Variants in AP1G1 observed in about 807,000 individuals in gnomAD.
The protein encoded by AP1G1 is AP-1 complex subunit gamma-1.
Under a neutral mutation model 108.3 loss-of-function variants are expected in AP1G1, and 7 were observed. The observed-to-expected ratio is 0.06, with a 90% confidence interval of 0.04 to 0.12. The LOEUF is 0.12. AP1G1 is among the 10% of genes least tolerant of loss of function. AP1G1 has a pLI of 1.00. For missense variants in AP1G1, 756 were observed against 1,010.7 expected, an observed-to-expected ratio of 0.75 and a Z score of 3.42; for synonymous variants, 379 against 353.5, an observed-to-expected ratio of 1.07 and a Z score of -0.81.
At chr16:71,800,102 C>T (rs944447431) in intron 1 of AP1G1, among the ~76,000 whole-genome samples, 1 of 150,976 alleles carries the variant, frequency 6.6e-6, no homozygotes, top group Non-Finnish European at 1.5e-5. Context: ...CGGTGGCTCA[C>T]GCCTGTAATC....
chr16:71,753,641 C>T, intron 13 of AP1G1, 192 bp downstream of exon 13: 1 of 605,622 alleles, frequency 1.7e-6, no homozygotes, highest in Non-Finnish European at 3.0e-6. Context: ...TGCCCTATAT[C>T]CCACCTTATC....
In AP1G1 at chr16:71,764,416, T is replaced by C. The variant is rs1378381506; in HGVS notation, c.852A>G (p.Val284=). 9 of 1,610,156 alleles carry C rather than the reference T, an allele frequency of 5.6e-6. No homozygotes were observed. Among genetic ancestry groups the C allele is most frequent in the Non-Finnish European group, 6.8e-6 (8 of 1,177,914 alleles). The change falls in exon 9 of 23, where the codon GTA becomes GTG. Residue 284 remains valine, a synonymous_variant. Coordinates refer to ENST00000299980, the MANE Select transcript of AP1G1 (RefSeq NM_001128.6). ...VATNTETSKN[V]GNAILYETVL... ...CCGTTTCATAAAGAATAGCATTTCCTACATTTTTACTAGTCTCAGTATTAG... is the reference window on the plus strand; with the variant it reads ...CCGTTTCATAAAGAATAGCATTTCCCACATTTTTACTAGTCTCAGTATTAG...
At position 71,758,886 on chromosome 16, in the gene AP1G1, T is replaced by G; in HGVS notation, c.1010A>C (p.Gln337Pro). ...VALTSLLKTV[Q>P]TDHNAVQRHR... The stretch of plus-strand genomic sequence containing the variant: ...CCTCTGTACTGCATTATGATCTGTC[T>G]GTACAGTCTTCAACAAAGATGTCAG... Residue 337 changes from glutamine to proline, a missense_variant, in exon 11 of 23, where the codon CAG becomes CCG. Gln to Pro is a moderately conservative substitution (Grantham distance 76, BLOSUM62 -1). Transcript: ENST00000299980. The G allele has an allele frequency of 6.2e-7, 1 of 1,607,452 alleles. No homozygotes were observed. Among genetic ancestry groups the G allele is most frequent in the Non-Finnish European group, 8.5e-7 (1 of 1,178,172 alleles).
intron 1 of AP1G1, among the ~76,000 whole-genome samples, chr16:71,807,207 C>G (rs1024918282): frequency 9.2e-5 from 14 of 152,188 alleles, no homozygotes; most frequent in African/African-American, 3.1e-4. Context: ...GGGCGGATTA[C>G]CTGAGCTCAG....
intron 1 of AP1G1, among the ~76,000 whole-genome samples, chr16:71,802,909 T>A (rs1233438320): frequency 6.6e-6 from 1 of 151,990 alleles, no homozygotes; most frequent in Non-Finnish European, 1.5e-5. Flanking sequence ...TCTTTACATA[T>A]CTTTGAAAGA....
At chr16:71,773,845 A>C (rs1567654807) in intron 3 of AP1G1, among the ~76,000 whole-genome samples, 1 of 145,402 alleles carries the variant, frequency 6.9e-6, no homozygotes, top group Non-Finnish European at 1.5e-5. Context: ...TGGGAGGCTG[A>C]GTAGCTACCC....
chr16:71,750,227 G>T lies in AP1G1; in HGVS notation c.1390C>A (p.Leu464Ile). 6.2e-7 allele frequency: 1 copy of T among 1,613,860 alleles called. No homozygotes were observed. The highest frequency in any genetic ancestry group is 8.5e-7 in the Non-Finnish European group (1 of 1,179,944). ...GTACTTACTTGAGAATAATCACCAAGAATTGCTTTGTACAGGCGCTGGACA... is the reference window on the plus strand; with the variant it reads ...GTACTTACTTGAGAATAATCACCAATAATTGCTTTGTACAGGCGCTGGACA... ...YTVQRLYKAI[L>I]GDYSQQPLVQ... The change falls in exon 14 of 23, where the codon CTT (leucine) becomes ATT (isoleucine). Residue 464 changes from leucine (L) to isoleucine (I), a missense_variant. Transcript: ENST00000299980.
At chr16:71,748,230 C>T (rs1210329712) in intron 16 of AP1G1, 21 bp downstream of exon 16, 1 of 1,603,836 alleles carries the variant, frequency 6.2e-7, no homozygotes. Context: ...CCTGTTCACC[C>T]TATGTTTCTT....
At chr16:71,777,580 A>G (rs1381314709) in intron 2 of AP1G1, 3 of 380,072 alleles carry the variant, frequency 7.9e-6, no homozygotes, top group Non-Finnish European at 1.6e-5. Flanking sequence ...GAGGCCTCCC[A>G]TCCCCAGCCT....
chr16:71,741,917 G>A (rs867869260), intron 19 of AP1G1, among the ~76,000 whole-genome samples: 10 of 152,240 alleles, frequency 6.6e-5, no homozygotes, highest in Non-Finnish European at 8.8e-5. Flanking sequence ...AGGTAGTTTA[G>A]GAGAAGAGCA....
At chr16:71,764,141 C>G (rs1046022968) in intron 9 of AP1G1, among the ~76,000 whole-genome samples, 1 of 152,146 alleles carries the variant, frequency 6.6e-6, no homozygotes, top group Non-Finnish European at 1.5e-5. Flanking sequence ...ATTGCTACAC[C>G]TGAGATCTCC....
At position 71,746,652 on chromosome 16, in the gene AP1G1, C is replaced by G; in HGVS notation, c.1666G>C (p.Asp556His). 6.2e-7 allele frequency: 1 copy of G among 1,613,272 alleles called. No individual in the cohort carries two copies. Among genetic ancestry groups the G allele is most frequent in the East Asian group, 2.2e-5 (1 of 44,832 alleles). Residue 556 changes from aspartate to histidine, a missense_variant, in exon 17 of 23, where the codon GAT (aspartate) becomes CAT (histidine). Physicochemically the swap from Asp to His is moderately conservative, Grantham distance 81 (BLOSUM62 -1). Coordinates refer to ENST00000299980, the MANE Select transcript of AP1G1 (RefSeq NM_001128.6). ...ACTGCCCTCTGCTGGAGTTCCACATCAATGCTGCTTCCGTAGATGGAAACC... is the reference window on the plus strand; with the variant it reads ...ACTGCCCTCTGCTGGAGTTCCACATGAATGCTGCTTCCGTAGATGGAAACC... ...KVVSIYGSSI[D>H]VELQQRAVEY... is the part of the protein sequence containing the mutation.
intron 1 of AP1G1, among the ~76,000 whole-genome samples, chr16:71,793,381 C>G (rs186066378): frequency 6.6e-5 from 10 of 152,196 alleles, no homozygotes; most frequent in African/African-American, 2.2e-4. Context: ...TCAGCCCGTT[C>G]TGGAATAGAA....
intron 12 of AP1G1, among the ~76,000 whole-genome samples, chr16:71,754,781 CAG>C (rs1363748181): frequency 6.7e-6 from 1 of 149,722 alleles, no homozygotes; most frequent in Admixed American, 6.7e-5. Flanking sequence ...GCCTGGGTGA[CAG>C]AGCAAGACTC....
At chr16:71,796,792 C>T (rs2032601686) in intron 1 of AP1G1, among the ~76,000 whole-genome samples, 1 of 151,994 alleles carries the variant, frequency 6.6e-6, no homozygotes, top group African/African-American at 2.4e-5. Context: ...TTATCCATAA[C>T]CAAAATTCAC....
At chr16:71,806,731 T>C (rs1170056507) in intron 1 of AP1G1, 2 of 1,287,288 alleles carry the variant, frequency 1.6e-6, no homozygotes, top group African/African-American at 3.0e-5. Flanking sequence ...GACAGTTCCT[T>C]TAAACCAAAA....
chr16:71,798,918 A>G (rs2032684693), intron 1 of AP1G1, among the ~76,000 whole-genome samples: 1 of 152,032 alleles, frequency 6.6e-6, no homozygotes, highest in Non-Finnish European at 1.5e-5. Context: ...TAAATGAAAG[A>G]CAAGAAAAAT....
intron 4 of AP1G1, among the ~76,000 whole-genome samples, chr16:71,771,803 C>T (rs573382647): frequency 1.3e-5 from 2 of 152,262 alleles, no homozygotes; most frequent in South Asian, 2.1e-4. Context: ...CCTATAAAAA[C>T]ATCACACAAC....
intron 13 of AP1G1, 151 bp downstream of exon 13, chr16:71,753,682 T>C: frequency 1.4e-6 from 1 of 726,798 alleles, no homozygotes; most frequent in Non-Finnish European, 2.4e-6. Flanking sequence ...CATGCTGCTT[T>C]AGGTTTTTCT....
Sources: allele counts gnomAD v4.1 joint callset (sites outside exome capture counted in the v4.1 genomes callset), GRCh38; gene constraint gnomAD v4.1.1; transcripts MANE v1.5; gene names NCBI Gene and HGNC (gene_info 2026-07-23, HGNC 2026-07-21).